The following RTL4 variants were observed in gnomAD, a reference collection of about 807,000 sequenced individuals.
The protein encoded by RTL4 is retrotransposon Gag like 4, also known as retrotransposon Gag-like protein 4.
Under a neutral mutation model 5.3 loss-of-function variants are expected in RTL4, and 4 were observed. That is an observed-to-expected ratio of 0.75 (90% CI 0.37 to 1.72). The LOEUF (loss-of-function observed/expected upper bound fraction) is 1.72, where lower values mean the gene tolerates loss of function less well. RTL4 is among the 40% of genes most tolerant of loss of function. The pLI, the probability that RTL4 is intolerant of heterozygous loss-of-function variation, is 0.04. For synonymous variants in RTL4, 98 were observed against 87.3 expected, an observed-to-expected ratio of 1.12 and a Z score of -0.68; for missense variants, 260 against 227.1, an observed-to-expected ratio of 1.14 and a Z score of -0.93.
chrX:112,088,326 G>C, the RTL4 span, among the ~76,000 whole-genome samples: 2 of 110,372 alleles, frequency 1.8e-5, no homozygotes, highest in Non-Finnish European at 1.9e-5. Flanking sequence ...TTTGGGTCTG[G>C]CTTCTTTTTT....
At chrX:112,196,081 A>AATG in the RTL4 span, among the ~76,000 whole-genome samples, 1 of 111,361 alleles carries the variant, frequency 9.0e-6, no homozygotes, top group Non-Finnish European at 1.9e-5. Context: ...CAAGTTAAAT[A>AATG]ATGTTTCCAT....
At chrX:112,292,706 C>CT in the RTL4 span, among the ~76,000 whole-genome samples, 239 of 111,452 alleles carry the variant, frequency 2.1e-3, 2 homozygotes, top group African/African-American at 6.2e-3. Flanking sequence ...AAACTCAGTA[C>CT]TTTTTTTCTT....
exon 1 of RTL4, chrX:112,456,083 T>G (rs1926838916): frequency 3.5e-6 from 1 of 285,149 alleles, no homozygotes; most frequent in East Asian, 5.3e-5. Flanking sequence ...TTCACCTTTA[T>G]TGGTCTGTAT....
At chrX:112,201,062 T>C in the RTL4 span, among the ~76,000 whole-genome samples, 1 of 111,717 alleles carries the variant, frequency 9.0e-6, no homozygotes, top group African/African-American at 3.3e-5. Context: ...AGTTCAGCAC[T>C]GCCGAGGAGA....
At chrX:112,170,134 C>A in the RTL4 span, among the ~76,000 whole-genome samples, 1 of 111,594 alleles carries the variant, frequency 9.0e-6, no homozygotes, top group African/African-American at 3.3e-5. Flanking sequence ...GTTTTTGTAC[C>A]AGTACCATGC....
chrX:112,336,024 T>C, the RTL4 span, among the ~76,000 whole-genome samples: 1 of 109,828 alleles, frequency 9.1e-6, no homozygotes. Context: ...TTGTATATTT[T>C]AGTAGAGACG....
chrX:112,454,806 G>T lies in RTL4; in HGVS notation c.78G>T (p.Arg26=). Residue 26 remains arginine, a synonymous_variant, in exon 1 of 1, where the codon CGG becomes CGT. Coordinates refer to ENST00000340433, the Ensembl canonical transcript of RTL4. ...TTCAGGCAGAGAATCTGATTCTGCG[G>T]CTTCAAATGCAGCATCCAACCACGG... 1 of 1,209,811 alleles carries T rather than the reference G, an allele frequency of 8.3e-7. No homozygotes were observed. Among genetic ancestry groups the T allele is most frequent in the Non-Finnish European group, 1.1e-6 (1 of 894,828 alleles).
chrX:112,298,679 T>C, the RTL4 span, among the ~76,000 whole-genome samples: 9 of 112,677 alleles, frequency 8.0e-5, no homozygotes, highest in Admixed American at 9.4e-5. Context: ...ACCCCAGGCT[T>C]TGCCTGATTT....
At chrX:112,107,058 T>A in the RTL4 span, among the ~76,000 whole-genome samples, 1 of 111,603 alleles carries the variant, frequency 9.0e-6, no homozygotes, top group African/African-American at 3.3e-5. Flanking sequence ...TTGTTGCCTG[T>A]GGTTTTGAGT....
chrX:112,356,579 G>T, the RTL4 span, among the ~76,000 whole-genome samples: 3 of 99,438 alleles, frequency 3.0e-5, no homozygotes, highest in Non-Finnish European at 4.1e-5. Context: ...TTTGTTTTGG[G>T]GTGTGTGTGT....
At chrX:112,436,584 A>G in the RTL4 span, among the ~76,000 whole-genome samples, 1 of 111,846 alleles carries the variant, frequency 8.9e-6, no homozygotes, top group Non-Finnish European at 1.9e-5. Context: ...GTGTATTTGC[A>G]CAAATCGATA....
the RTL4 span, among the ~76,000 whole-genome samples, chrX:112,253,854 C>T: frequency 8.9e-6 from 1 of 111,834 alleles, no homozygotes; most frequent in South Asian, 3.7e-4. Context: ...ATCCCCTAGG[C>T]TTAATGTCTA....
chrX:112,159,006 T>C, the RTL4 span, among the ~76,000 whole-genome samples: 639 of 112,328 alleles, frequency 5.7e-3, 8 homozygotes, highest in African/African-American at 0.02. Flanking sequence ...TTTAAAATTT[T>C]ACAAACTTGT....
the RTL4 span, among the ~76,000 whole-genome samples, chrX:112,326,071 G>A: frequency 1.8e-5 from 2 of 112,119 alleles, no homozygotes; most frequent in Non-Finnish European, 3.8e-5. Flanking sequence ...GGCCGTCAGA[G>A]AAATGCAAAT....
chrX:112,234,321 T>C, the RTL4 span, among the ~76,000 whole-genome samples: 1 of 112,200 alleles, frequency 8.9e-6, no homozygotes, highest in African/African-American at 3.2e-5. Context: ...TTATACACTC[T>C]TATCCCCTTG....
At chrX:112,166,612 T>C in the RTL4 span, among the ~76,000 whole-genome samples, 4 of 111,765 alleles carry the variant, frequency 3.6e-5, no homozygotes, top group South Asian at 1.5e-3. Flanking sequence ...GGGTTTCTCT[T>C]TTACTCAGGT....
the RTL4 span, among the ~76,000 whole-genome samples, chrX:112,103,159 T>C: frequency 9.0e-6 from 1 of 111,554 alleles, no homozygotes; most frequent in African/African-American, 3.3e-5. Context: ...CTATTCACAA[T>C]GGCAAAGATA....
chrX:112,197,283 T>C, the RTL4 span, among the ~76,000 whole-genome samples: 1 of 110,460 alleles, frequency 9.1e-6, no homozygotes, highest in African/African-American at 3.3e-5. Context: ...TCCTTATTAA[T>C]GCTGGGGTGG....
chrX:112,304,532 C>T, the RTL4 span, among the ~76,000 whole-genome samples: 32 of 110,230 alleles, frequency 2.9e-4, no homozygotes, highest in Non-Finnish European at 5.7e-4. Flanking sequence ...TTCCGGGAAC[C>T]GTGTTTACAG....
Sources: gnomAD v4.1 joint callset for allele counts (sites outside exome capture counted in the v4.1 genomes callset) on GRCh38, gnomAD v4.1.1 for gene constraint, MANE v1.5 for transcripts, NCBI Gene and HGNC (gene_info 2026-07-23, HGNC 2026-07-21) for gene names.